The following HMGB1 variants were observed in gnomAD, a reference collection of about 807,000 sequenced individuals.
HMGB1 encodes the protein high mobility group protein B1.
For synonymous variants in HMGB1, 81 were observed against 84.0 expected, an observed-to-expected ratio of 0.96 and a Z score of 0.19; for missense variants, 79 against 253.5, an observed-to-expected ratio of 0.31 and a Z score of 4.67.
rs1886275314 is a variant in HMGB1, at chr13:30,460,812, ATG to A, written c.*543_*544del. The A allele has an allele frequency of 6.5e-6, 1 of 153,068 alleles. No homozygotes were observed. The highest frequency in any genetic ancestry group is 2.4e-5 in the African/African-American group (1 of 41,474). The allele number at this position is 153,068 out of a possible 1,614,324, so 9.5% of individuals were successfully genotyped here. On this transcript the variant is annotated 3_prime_UTR_variant, in exon 5 of 5. Transcript: ENST00000341423. The stretch of plus-strand genomic sequence containing the variant: ...GAAAGGATAAACACTGTAATAATTC[ATG>A]TGATTCAAAATGGGCAAAAGCAAAA...
At chr13:30,568,785 G>A (rs912016671) in intron 1 of HMGB1, among the ~76,000 whole-genome samples, 4 of 152,144 alleles carry the variant, frequency 2.6e-5, no homozygotes, top group Non-Finnish European at 5.9e-5. Flanking sequence ...TGGCCTCCAG[G>A]ACTGTGAAGA....
intron 1 of HMGB1, among the ~76,000 whole-genome samples, chr13:30,611,383 C>T (rs1459815259): frequency 1.3e-5 from 2 of 152,116 alleles, no homozygotes; most frequent in Non-Finnish European, 2.9e-5. Flanking sequence ...AGGCTGGTCT[C>T]GAACTCCTGA....
At chr13:30,546,922 T>A in intron 1 of HMGB1, among the ~76,000 whole-genome samples, 1 of 152,230 alleles carries the variant, frequency 6.6e-6, no homozygotes, top group East Asian at 1.9e-4. Flanking sequence ...CACACACATT[T>A]GTAGGTGTAG....
chr13:30,465,385 C>CCCGCCGCCG (rs1356428301), intron 1 of HMGB1: 109 of 143,250 alleles, frequency 7.6e-4, no homozygotes, highest in African/African-American at 2.4e-3. Context: ...CCGCTGCCCT[C>CCCGCCGCCG]CCGCCGCCGC....
chr13:30,585,608 G>A (rs1871110870), intron 1 of HMGB1, among the ~76,000 whole-genome samples: 1 of 151,946 alleles, frequency 6.6e-6, no homozygotes, highest in African/African-American at 2.4e-5. Context: ...AACCTGGGAG[G>A]TGGAGGTTGC....
At chr13:30,464,783 G>GTGTGTGTGTGTGTA (rs1386137900) in intron 1 of HMGB1, 2 of 245,344 alleles carry the variant, frequency 8.2e-6, no homozygotes, top group African/African-American at 4.6e-5. Context: ...GTGTGTGTGT[G>GTGTGTGTGTGTGTA]TGTGTATGAG....
chr13:30,515,332 C>T (rs1029743079), intron 1 of HMGB1, among the ~76,000 whole-genome samples: 14 of 152,214 alleles, frequency 9.2e-5, no homozygotes, highest in African/African-American at 2.6e-4. Context: ...GGCTTGTGTT[C>T]CCTTGAGCAG....
At position 30,462,747 on chromosome 13, in the gene HMGB1, A is replaced by G. The variant is rs745973116; in HGVS notation, c.297-35T>C. 4 of 1,561,306 alleles carry G rather than the reference A, an allele frequency of 2.6e-6. No individual in the cohort carries two copies. The East Asian group carries it at 9.0e-5, about 35-fold the overall frequency. ...AAATTAATTTTAGGATTTTAAGTTAACAGATCACAAAAACAAATACTATCA... is the reference window on the plus strand; with the variant it reads ...AAATTAATTTTAGGATTTTAAGTTAGCAGATCACAAAAACAAATACTATCA... On this transcript the variant is annotated intron_variant, in intron 3 of 4. Coordinates refer to ENST00000341423, the MANE Select transcript of HMGB1 (RefSeq NM_002128.7).
At chr13:30,608,561 G>A (rs2137572075) in intron 1 of HMGB1, among the ~76,000 whole-genome samples, 1 of 152,328 alleles carries the variant, frequency 6.6e-6, no homozygotes. Flanking sequence ...CTGACAGCAA[G>A]TTTGGGAGAA....
intron 1 of HMGB1, among the ~76,000 whole-genome samples, chr13:30,511,464 T>C (rs1887991371): frequency 6.6e-6 from 1 of 152,180 alleles, no homozygotes; most frequent in African/African-American, 2.4e-5. Context: ...TCTTCTTCCA[T>C]GAGTGAAAGC....
intron 1 of HMGB1, chr13:30,554,831 G>T: frequency 1.3e-6 from 1 of 753,880 alleles, no homozygotes; most frequent in South Asian, 1.4e-5. Context: ...TTCATGACTT[G>T]AGAATATTCT....
In HMGB1 at chr13:30,481,366, G is replaced by A. The variant is rs1474954174; in HGVS notation, c.-14-17672C>T. On this transcript the variant is annotated intron_variant, in intron 1 of 4. Coordinates refer to the HMGB1 transcript ENST00000405805. ...TGAAGGCTGGAGAGCGGAAGCCAAT[G>A]CCAAAACATTCCGAAGCTACCCAAC... Among the ~76,000 whole-genome samples the A allele has an allele frequency of 5.3e-5, 8 of 152,170 alleles. No individual in the cohort carries two copies. In the South Asian group the frequency reaches 1.4e-3, roughly 28 times the overall value.
At chr13:30,551,444 C>T (rs369852613) in intron 1 of HMGB1, among the ~76,000 whole-genome samples, 14 of 152,282 alleles carry the variant, frequency 9.2e-5, no homozygotes, top group African/African-American at 3.4e-4. Context: ...TTCCGGTAGG[C>T]CTATAGAACC....
chr13:30,552,389 T>C (rs574821020), intron 1 of HMGB1, among the ~76,000 whole-genome samples: 42 of 152,130 alleles, frequency 2.8e-4, no homozygotes, highest in Admixed American at 9.8e-4. Flanking sequence ...AATATTGAAA[T>C]ACTAAAATTT....
Position 30,570,816 on chromosome 13 carries a change from G to A in HMGB1, c.-15+45855C>T, listed in dbSNP as rs1287980861. Among the ~76,000 whole-genome samples the A allele has an allele frequency of 2.0e-5, 3 of 152,138 alleles. No homozygotes were observed. In the East Asian group the frequency reaches 5.8e-4, roughly 29 times the overall value. On this transcript the variant is annotated intron_variant, in intron 1 of 4. Transcript: ENST00000405805. ...TACCAAGATACCATTAAATAGATAA[G>A]GGCCACACTCCATAGAGATGATGGT... is the stretch of plus-strand genomic sequence containing the variant.
intron 1 of HMGB1, among the ~76,000 whole-genome samples, chr13:30,505,476 C>A (rs1244558411): frequency 1.1e-4 from 16 of 152,046 alleles, no homozygotes; most frequent in Admixed American, 1.0e-3. Context: ...CCGCGCCCAA[C>A]CATTTTTATA....
At chr13:30,580,929 G>C (rs1297814167) in intron 1 of HMGB1, among the ~76,000 whole-genome samples, 1 of 152,092 alleles carries the variant, frequency 6.6e-6, no homozygotes. Context: ...GCTATAGGAG[G>C]CCATTCTTCC....
chr13:30,604,734 TGCAA>T (rs1179577009), intron 1 of HMGB1, among the ~76,000 whole-genome samples: 1 of 152,228 alleles, frequency 6.6e-6, no homozygotes, highest in Non-Finnish European at 1.5e-5. Flanking sequence ...CTCGGCTCAC[TGCAA>T]GCTCTGCCTC....
At chr13:30,553,673 GCCCA>G (rs1452773667) in intron 1 of HMGB1, 2 of 786,532 alleles carry the variant, frequency 2.5e-6, no homozygotes, top group Non-Finnish European at 4.4e-6. Context: ...TCCCAGCCAT[GCCCA>G]CCATCATTGA....
Sources: gnomAD v4.1 joint callset for allele counts (sites outside exome capture counted in the v4.1 genomes callset) on GRCh38, gnomAD v4.1.1 for gene constraint, MANE v1.5 for transcripts, NCBI Gene and HGNC (gene_info 2026-07-23, HGNC 2026-07-21) for gene names.